Variants in ELMO2 observed in about 807,000 individuals in gnomAD.
ELMO2 encodes engulfment and cell motility 2, also known as engulfment and cell motility protein 2.
Under a neutral mutation model 96.2 loss-of-function variants are expected in ELMO2, and 37 were observed. The ratio of observed to expected loss-of-function variants is 0.38; its 90% CI spans 0.30 to 0.51. ELMO2 has a LOEUF of 0.51. Among genes scored for constraint, ELMO2 ranks in the 20% least tolerant of loss-of-function variants. The pLI is 0.88. For missense variants in ELMO2, 561 were observed against 912.6 expected, an observed-to-expected ratio of 0.61 and a Z score of 4.96; for synonymous variants, 315 against 329.4, an observed-to-expected ratio of 0.96 and a Z score of 0.47.
chr20:46,367,369 G>A lies in ELMO2; in HGVS notation c.2154C>T (p.His718=). 1 of 1,572,426 alleles carries A rather than the reference G, an allele frequency of 6.4e-7. No individual in the cohort carries two copies. Among genetic ancestry groups the A allele is most frequent in the Non-Finnish European group, 8.6e-7 (1 of 1,159,652 alleles). Residue 718 remains histidine (H), a synonymous_variant, in exon 22 of 22, where the codon CAC becomes CAT. Coordinates refer to ENST00000290246, the MANE Select transcript of ELMO2 (RefSeq NM_133171.5). The part of the protein sequence containing the change: ...KEPSSYDFVY[H]YG ...GTTTCTGGCTCCAGGCTCAGCCATA[G>A]TGATAGACAAAGTCATAGCTGCTGG...
intron 5 of ELMO2, 87 bp from the exon 6 acceptor site, chr20:46,393,230 C>G (rs2060183760): frequency 5.9e-6 from 8 of 1,360,316 alleles, no homozygotes; most frequent in Non-Finnish European, 8.4e-6. Context: ...AATGTTTTGT[C>G]TTTTTTACAG....
intron 6 of ELMO2, among the ~76,000 whole-genome samples, chr20:46,390,127 T>C (rs1451693523): frequency 6.6e-6 from 1 of 152,142 alleles, no homozygotes; most frequent in East Asian, 1.9e-4. Flanking sequence ...CACTCCAGCC[T>C]GGGCAACAGA....
chr20:46,390,428 T>C (rs1043148715), intron 6 of ELMO2, among the ~76,000 whole-genome samples: 2 of 152,240 alleles, frequency 1.3e-5, no homozygotes, highest in African/African-American at 4.8e-5. Flanking sequence ...GTGACAGTTC[T>C]GGGGAAACTT....
chr20:46,373,523 C>A lies in ELMO2; in HGVS notation c.1292G>T (p.Arg431Leu), dbSNP rs776816963. ...AAAGAACATCGGGTGGTAGTCATTG[C>A]GTCCTTCATTTGCTGTGGAAGTGAA... ...LQVGELPNEG[R>L]NDYHPMFFTH... Residue 431 changes from arginine (R) to leucine (L), a missense_variant, in exon 16 of 22, where the codon CGC becomes CTC. Arg to Leu is a moderately radical substitution (Grantham distance 102). Coordinates refer to ENST00000290246, the MANE Select transcript of ELMO2 (RefSeq NM_133171.5). 1 of 1,614,038 alleles carries A rather than the reference C, an allele frequency of 6.2e-7. No individual in the cohort carries two copies.
chr20:46,405,291 G>A (rs956881782), intron 1 of ELMO2, among the ~76,000 whole-genome samples: 7 of 152,224 alleles, frequency 4.6e-5, no homozygotes, highest in Admixed American at 1.3e-4. Context: ...CCCTGCAGAA[G>A]TGATGCTTAA....
chr20:46,374,217 C>T lies in ELMO2; in HGVS notation c.1279+115G>A, dbSNP rs1452311654. On this transcript the variant is annotated intron_variant, in intron 15 of 21. Coordinates refer to ENST00000290246, the MANE Select transcript of ELMO2 (RefSeq NM_133171.5). The stretch of plus-strand genomic sequence containing the variant: ...TCAGTCTCCCAAAGTGCTGAGATTA[C>T]AGGTGTGAACCACCACGCCCGACCC... The T allele has an allele frequency of 8.3e-6, 5 of 599,700 alleles. No homozygotes were observed. The East Asian group carries it at 1.3e-4, about 16-fold the overall frequency. 37.1% of individuals were successfully genotyped at this position (599,700 alleles called of 1,614,324 possible). A position where few individuals can be genotyped will look rare whatever the true frequency, so the allele number is the denominator to read the frequency against.
rs1001466523 is a variant in ELMO2 at position 46,375,979 on chromosome 20, A to C, written c.808-189T>G. ...GGTTCAGGCAGAGATGACTCACTGC[A>C]GGCCTGAAAGGCGCCATCCCTTCCT... On this transcript the variant is annotated intron_variant, in intron 11 of 21. Transcript: ENST00000290246. This position sits in a 1 kb window ranked among gnomAD's most constrained non-coding sequence, Gnocchi z 4.6. 6.6e-6 allele frequency among the ~76,000 whole-genome samples: 1 copy of C among 152,238 alleles called. No homozygotes were observed. Among genetic ancestry groups the C allele is most frequent in the African/African-American group, 2.4e-5 (1 of 41,466 alleles).
At chr20:46,388,062 T>C (rs1226147744) in intron 7 of ELMO2, among the ~76,000 whole-genome samples, 1 of 152,246 alleles carries the variant, frequency 6.6e-6, no homozygotes, top group Non-Finnish European at 1.5e-5. Context: ...TAATCCTTTA[T>C]ACATCTGTAC....
At chr20:46,383,320 T>C (rs1645586526) in intron 10 of ELMO2, 96 bp downstream of exon 10, 1 of 1,295,816 alleles carries the variant, frequency 7.7e-7, no homozygotes, top group Non-Finnish European at 1.1e-6. Flanking sequence ...CTTGGGAAAA[T>C]TGCTGGATTT....
chr20:46,390,756 A>G (rs1353157205), intron 6 of ELMO2: 2 of 152,232 alleles, frequency 1.3e-5, no homozygotes, highest in Admixed American at 1.3e-4. Flanking sequence ...AGTGTTAAGC[A>G]AGTGACTGGA....
rs1379605835 is a variant in ELMO2 at position 46,394,107 on chromosome 20, A to C, written c.79-18T>G. 1 of 1,607,508 alleles carries C rather than the reference A, an allele frequency of 6.2e-7. No individual in the cohort carries two copies. The highest frequency in any genetic ancestry group is 1.1e-5 in the South Asian group (1 of 90,880). On this transcript the variant is annotated intron_variant, in intron 3 of 21. Transcript: ENST00000290246. Reference sequence around the variant, plus strand: ...GGCCGTTTCTGAAAGAGAGAGAGAGAAAGCCTTCAACAGCAGCAACATCCT... The same window carrying C: ...GGCCGTTTCTGAAAGAGAGAGAGAGCAAGCCTTCAACAGCAGCAACATCCT...
chr20:46,393,792 A>T (rs1358661192), intron 4 of ELMO2, among the ~76,000 whole-genome samples, 191 bp from the exon 5 acceptor site: 1 of 152,174 alleles, frequency 6.6e-6, no homozygotes, highest in African/African-American at 2.4e-5. Context: ...CCACAATAGG[A>T]GGTGTGCAGA....
Position 46,383,434 on chromosome 20 carries a change from A to G in ELMO2, c.738T>C (p.Ala246=). 6.2e-7 allele frequency: 1 copy of G among 1,614,182 alleles called. No homozygotes were observed. Among genetic ancestry groups the G allele is most frequent in the Non-Finnish European group, 8.5e-7 (1 of 1,180,000 alleles). ...CACAGACCTGTCGTTTGTCCTCAGG[A>G]GCCTTCAGAAAAAGTGCATTAATCA... ...IALINALFLK[A]PEDKRQDMAN... is the part of the protein sequence containing the mutation. Residue 246 remains alanine (A), a synonymous_variant, in exon 10 of 22, where the codon GCT becomes GCC. Transcript: ENST00000290246.
chr20:46,398,194 T>A (rs961588827), intron 2 of ELMO2, among the ~76,000 whole-genome samples: 3 of 152,162 alleles, frequency 2.0e-5, no homozygotes. Context: ...GCAAAACCCA[T>A]GGGTTTGCTC....
At chr20:46,370,695 T>C (rs1394264490) in intron 19 of ELMO2, among the ~76,000 whole-genome samples, 170 bp from the exon 20 acceptor site, 1 of 152,158 alleles carries the variant, frequency 6.6e-6, no homozygotes, top group African/African-American at 2.4e-5. Context: ...GGCCTTGTAC[T>C]GTTCCCTCCG....
intron 1 of ELMO2, among the ~76,000 whole-genome samples, chr20:46,402,174 T>G (rs962533729): frequency 1.1e-4 from 17 of 152,134 alleles, no homozygotes; most frequent in African/African-American, 3.6e-4. Flanking sequence ...ATGCTCAGGG[T>G]TGACCCACAG....
At chr20:46,382,319 G>C in intron 10 of ELMO2, 1 of 1,262,222 alleles carries the variant, frequency 7.9e-7, no homozygotes, top group South Asian at 1.2e-5. Context: ...GGACCGGGAA[G>C]GCAGATTAAC....
At position 46,371,229 on chromosome 20, in the gene ELMO2, G is replaced by A. The variant is rs6017801; in HGVS notation, c.1801+123C>T. 1 of 951,368 alleles carries A rather than the reference G, an allele frequency of 1.1e-6. No homozygotes were observed. The highest frequency in any genetic ancestry group is 1.6e-5 in the South Asian group (1 of 61,736). The allele number at this position is 951,368 out of a possible 1,614,324, so 58.9% of individuals were successfully genotyped here. A position where few individuals can be genotyped will look rare whatever the true frequency, so the allele number is the denominator to read the frequency against. The stretch of plus-strand genomic sequence containing the variant: ...GGTAGAGGAAATCGCTGACAGATAA[G>A]GAAACAGGTCCAGAGAGGTAACAGG... On this transcript the variant is annotated intron_variant, in intron 19 of 21. Transcript: ENST00000290246. The surrounding 1 kb of genome is among the most constrained non-coding windows in gnomAD (Gnocchi z 5.9).
rs760742749 is a variant in ELMO2, at chr20:46,386,031, TAAGCA to T, written c.677+88_677+92del. 1.2e-4 allele frequency: 165 copies of T among 1,408,064 alleles called. No homozygotes were observed. The Middle Eastern group carries it at 1.3e-3, about 11-fold the overall frequency. The allele number at this position is 1,408,064 out of a possible 1,614,324, so 87.2% of individuals were successfully genotyped here. A position where few individuals can be genotyped will look rare whatever the true frequency, so the allele number is the denominator to read the frequency against. On this transcript the variant is annotated intron_variant, in intron 9 of 21. Transcript: ENST00000290246. ...AGAAGCCAACCAACAGCTTGGAATA[TAAGCA>T]AAGGAGAGTAGGATTGGAAGACTTA...
Sources: allele counts gnomAD v4.1 joint callset (sites outside exome capture counted in the v4.1 genomes callset), GRCh38; gene constraint gnomAD v4.1.1; non-coding constraint Gnocchi (gnomAD v3.1); transcripts MANE v1.5; gene names NCBI Gene and HGNC (gene_info 2026-07-23, HGNC 2026-07-21).